LRP1B: variants seen among roughly 807,000 people sequenced by gnomAD.
LRP1B encodes the protein LDL receptor related protein 1B, also known as low-density lipoprotein receptor-related protein 1B.
In LRP1B, 217 loss-of-function variants were observed where a neutral mutation model predicts 556.6. That is an observed-to-expected ratio of 0.39 (90% CI 0.35 to 0.44). The LOEUF is 0.44. Among genes scored for constraint, LRP1B ranks in the 20% least tolerant of loss-of-function variants. The pLI is 1.00. For missense variants in LRP1B, 5,053 were observed against 5,620.8 expected (o/e 0.90, Z 3.23); for synonymous variants, 2,047 against 1,865.8 (o/e 1.10, Z -2.50).
intron 18 of LRP1B, among the ~76,000 whole-genome samples, chr2:140,969,642 G>GT (rs1312923890): frequency 6.6e-6 from 1 of 152,148 alleles, no homozygotes; most frequent in Non-Finnish European, 1.5e-5. Context: ...AATTTGGCAT[G>GT]TTTTTTGCAG....
intron 84 of LRP1B, among the ~76,000 whole-genome samples, chr2:140,281,217 G>A (rs371846410): frequency 1.3e-4 from 20 of 151,936 alleles, no homozygotes; most frequent in East Asian, 3.9e-4. Flanking sequence ...AAATATGTGC[G>A]TGTATGTGCA....
intron 2 of LRP1B, among the ~76,000 whole-genome samples, chr2:141,718,244 C>T (rs1692685810): frequency 1.3e-5 from 2 of 152,114 alleles, no homozygotes; most frequent in Non-Finnish European, 2.9e-5. Context: ...CTCTTTCCTC[C>T]CTCGACCTCA....
intron 2 of LRP1B, among the ~76,000 whole-genome samples, chr2:141,631,672 A>G (rs112876812): frequency 3.9e-5 from 6 of 152,100 alleles, no homozygotes; most frequent in African/African-American, 1.2e-4. Flanking sequence ...GTAAGGACCA[A>G]TCCGTGTTTT....
At chr2:141,081,449 T>C (rs907021955) in intron 7 of LRP1B, among the ~76,000 whole-genome samples, 1 of 152,354 alleles carries the variant, frequency 6.6e-6, no homozygotes, top group East Asian at 1.9e-4. Flanking sequence ...CATGTTTCCC[T>C]CCTTCCTCTC....
Position 140,846,593 on chromosome 2 carries a change from G to A in LRP1B, c.4939+3509C>T, listed in dbSNP as rs182958819. Among the ~76,000 whole-genome samples, 184 of 152,172 alleles carry A rather than the reference G, an allele frequency of 1.2e-3. 1 individual carries two copies. The highest frequency in any genetic ancestry group is 4.4e-3 in the African/African-American group (181 of 41,536). On this transcript the variant is annotated intron_variant, in intron 29 of 90. Coordinates refer to ENST00000389484, the MANE Select transcript of LRP1B (RefSeq NM_018557.3). ...GAAAGAAAGAAAATGGCCCACTTGA[G>A]AAGAAAATAATGGGAGATGATAGGC...
intron 52 of LRP1B, among the ~76,000 whole-genome samples, chr2:140,507,286 C>T (rs1298777895): frequency 6.6e-6 from 1 of 151,892 alleles, no homozygotes. Context: ...CTTATGCCTA[C>T]AGTAATGCTG....
intron 10 of LRP1B, among the ~76,000 whole-genome samples, chr2:141,050,871 G>A (rs117949429): frequency 0.023 from 3,483 of 152,032 alleles, 122 homozygotes; most frequent in East Asian, 0.14. Context: ...GAACATTTTC[G>A]CAATCTACCC....
chr2:140,823,620 T>C (rs1057334877), intron 31 of LRP1B, among the ~76,000 whole-genome samples: 2 of 152,070 alleles, frequency 1.3e-5, no homozygotes, highest in African/African-American at 4.8e-5. Context: ...TACAATGACA[T>C]GGACTACTTA....
chr2:141,071,765 GA>G (rs1392354302), intron 7 of LRP1B, among the ~76,000 whole-genome samples: 1 of 152,146 alleles, frequency 6.6e-6, no homozygotes, highest in African/African-American at 2.4e-5. Context: ...TTGCTTCAAA[GA>G]GAATAAAATA....
chr2:140,983,182 T>C (rs1353840253), intron 17 of LRP1B, among the ~76,000 whole-genome samples: 1 of 152,150 alleles, frequency 6.6e-6, no homozygotes, highest in Non-Finnish European at 1.5e-5. Flanking sequence ...CATTTCTTTT[T>C]TTCTTCTGTC....
intron 49 of LRP1B, among the ~76,000 whole-genome samples, chr2:140,523,839 T>A (rs1229959102): frequency 6.6e-6 from 1 of 151,938 alleles, no homozygotes; most frequent in East Asian, 1.9e-4. Flanking sequence ...GTTTGAAGAC[T>A]TAAATGTATG....
chr2:141,735,383 A>G (rs1319960126), intron 2 of LRP1B, among the ~76,000 whole-genome samples: 2 of 152,022 alleles, frequency 1.3e-5, no homozygotes, highest in African/African-American at 4.8e-5. Flanking sequence ...TAGGCCCACA[A>G]GGAAAGCCCG....
chr2:140,797,383 C>A (rs1690353039), intron 32 of LRP1B, among the ~76,000 whole-genome samples: 1 of 152,012 alleles, frequency 6.6e-6, no homozygotes. Context: ...TTCTTCAAAG[C>A]TAAGTTTGTT....
chr2:140,419,116 A>G (rs1036373490), intron 66 of LRP1B, among the ~76,000 whole-genome samples: 2 of 152,238 alleles, frequency 1.3e-5, no homozygotes, highest in African/African-American at 4.8e-5. Flanking sequence ...CACAAAGAGT[A>G]TAGGTATTCC....
intron 17 of LRP1B, among the ~76,000 whole-genome samples, chr2:140,984,396 TATAA>T (rs1237829935): frequency 6.6e-6 from 1 of 152,060 alleles, no homozygotes; most frequent in Admixed American, 6.6e-5. Flanking sequence ...TCTTGCTTTA[TATAA>T]ATAGACATTA....
chr2:141,248,560 C>T (rs1684151062), intron 4 of LRP1B, among the ~76,000 whole-genome samples: 2 of 152,050 alleles, frequency 1.3e-5, no homozygotes, highest in Admixed American at 1.3e-4. Context: ...GGGATGGCAT[C>T]ATGGGGATTT....
intron 6 of LRP1B, among the ~76,000 whole-genome samples, chr2:141,198,561 T>C (rs1475888056): frequency 6.6e-6 from 1 of 152,138 alleles, no homozygotes; most frequent in Admixed American, 6.6e-5. Context: ...ATATCAGGTA[T>C]CTGTGCGGGG....
chr2:140,958,459 A>G (rs1224148707), intron 18 of LRP1B, among the ~76,000 whole-genome samples: 1 of 151,636 alleles, frequency 6.6e-6, no homozygotes, highest in Non-Finnish European at 1.5e-5. Context: ...AGTACACTTG[A>G]AGAGAGAATT....
At chr2:141,118,648 C>T (rs564698971) in intron 7 of LRP1B, among the ~76,000 whole-genome samples, 6 of 151,884 alleles carry the variant, frequency 4.0e-5, no homozygotes, top group Non-Finnish European at 8.8e-5. Flanking sequence ...ATCAAATGCA[C>T]ACTCTGGACC....
Sources: allele counts gnomAD v4.1 joint callset (sites outside exome capture counted in the v4.1 genomes callset), GRCh38; gene constraint gnomAD v4.1.1; transcripts MANE v1.5; gene names NCBI Gene and HGNC (gene_info 2026-07-23, HGNC 2026-07-21).